The following RERG variants were observed in gnomAD, a reference collection of about 807,000 sequenced individuals.
The protein encoded by RERG is ras-related and estrogen-regulated growth inhibitor.
In RERG, 25 loss-of-function variants were observed where a neutral mutation model predicts 23.2. That is an observed-to-expected ratio of 1.08 (90% CI 0.79 to 1.50). RERG has a LOEUF of 1.50. Among genes scored for constraint, RERG ranks in the 40% most tolerant of loss-of-function variants. RERG has a pLI of 0.00. For missense variants in RERG, 253 were observed against 250.1 expected (o/e 1.01, Z -0.08); for synonymous variants, 81 against 89.1 (o/e 0.91, Z 0.51).
intron 2 of RERG, among the ~76,000 whole-genome samples, chr12:15,185,342 G>A (rs938153248): frequency 2.6e-5 from 4 of 152,030 alleles, no homozygotes; most frequent in Non-Finnish European, 5.9e-5. Flanking sequence ...TAATTGTAAT[G>A]TACACCCCAA....
chr12:15,165,341 C>CT (rs113939772), intron 2 of RERG, among the ~76,000 whole-genome samples: 4,312 of 149,624 alleles, frequency 0.029, 212 homozygotes, highest in African/African-American at 0.098. Context: ...TCTGCCAAGA[C>CT]TTTTTTTTTT....
At chr12:15,168,587 T>C (rs1002724636) in intron 2 of RERG, among the ~76,000 whole-genome samples, 3 of 152,198 alleles carry the variant, frequency 2.0e-5, no homozygotes, top group African/African-American at 7.2e-5. Flanking sequence ...CAGTGTATTC[T>C]CTGTGATGGA....
At chr12:15,146,013 G>A (rs932687000) in intron 2 of RERG, among the ~76,000 whole-genome samples, 2 of 152,060 alleles carry the variant, frequency 1.3e-5, no homozygotes, top group East Asian at 1.9e-4. Context: ...AGAAATGTGT[G>A]GTACAGGGAA....
chr12:15,109,759 A>G (rs1049774665), intron 4 of RERG, among the ~76,000 whole-genome samples: 5 of 152,134 alleles, frequency 3.3e-5, no homozygotes, highest in Non-Finnish European at 5.9e-5. Flanking sequence ...TTCTGCTTTT[A>G]ATTTTTTTCT....
rs1865460445 is a variant in RERG, at chr12:15,217,567, C to T, written c.-78G>A. On this transcript the variant is annotated 5_prime_UTR_variant, in exon 2 of 5. The change abolishes the stop of an existing upstream ORF in the 5' untranslated region. Transcript: ENST00000256953. ...TCTTTTTGGTTCCAGTCTTTGGATT[C>T]ACCATATCATTGTGAATCTTGGAAG... 1 of 1,009,482 alleles carries T rather than the reference C, an allele frequency of 9.9e-7. No individual in the cohort carries two copies. Among genetic ancestry groups the T allele is most frequent in the East Asian group, 2.4e-5 (1 of 41,972 alleles). The allele number at this position is 1,009,482 out of a possible 1,614,324, so 62.5% of individuals were successfully genotyped here.
chr12:15,187,666 C>A (rs149139545), intron 2 of RERG, among the ~76,000 whole-genome samples: 50 of 151,830 alleles, frequency 3.3e-4, no homozygotes, highest in Non-Finnish European at 4.9e-4. Context: ...TCAAGCAATT[C>A]TCCTGCCTCG....
rs757274261 is a variant in RERG, at chr12:15,180,738, G to A, written c.61+36691C>T. Among the ~76,000 whole-genome samples, 51 of 152,124 alleles carry A rather than the reference G, an allele frequency of 3.4e-4. 1 individual carries two copies. Among genetic ancestry groups the A allele is most frequent in the Non-Finnish European group, 6.8e-4 (46 of 68,010 alleles). ...ATGCACTACCAATAAAGAGATCTCT[G>A]AAGTGGATCTGTCAGCCCCACTCAC... On this transcript the variant is annotated intron_variant, in intron 2 of 4. Coordinates refer to ENST00000256953, the MANE Select transcript of RERG (RefSeq NM_032918.3).
intron 2 of RERG, among the ~76,000 whole-genome samples, chr12:15,133,152 T>C (rs1016828993): frequency 8.0e-6 from 1 of 124,290 alleles, no homozygotes; most frequent in East Asian, 2.3e-4. Context: ...TGGAGATATA[T>C]ATATATATAT....
intron 2 of RERG, among the ~76,000 whole-genome samples, chr12:15,158,907 T>C (rs937361031): frequency 6.6e-6 from 1 of 152,200 alleles, no homozygotes; most frequent in Non-Finnish European, 1.5e-5. Context: ...GTAAAGTTAT[T>C]ATTTTTCTAT....
chr12:15,114,926 T>C (rs1863692952), intron 3 of RERG, among the ~76,000 whole-genome samples: 1 of 152,154 alleles, frequency 6.6e-6, no homozygotes, highest in African/African-American at 2.4e-5. Flanking sequence ...TAAAGGTATG[T>C]TTTCCCCAGT....
intron 2 of RERG, among the ~76,000 whole-genome samples, chr12:15,158,635 A>G (rs1437096594): frequency 6.6e-6 from 1 of 152,074 alleles, no homozygotes; most frequent in Non-Finnish European, 1.5e-5. Context: ...GAGTATAAGG[A>G]ATTTTGAAGA....
chr12:15,155,187 AT>A (rs1864503876), intron 2 of RERG: 1 of 152,146 alleles, frequency 6.6e-6, no homozygotes, highest in Admixed American at 6.5e-5. Context: ...TTTCATCTTC[AT>A]TTTCCAGTGT....
chr12:15,216,761 T>C (rs886153545), intron 2 of RERG, among the ~76,000 whole-genome samples: 1 of 152,246 alleles, frequency 6.6e-6, no homozygotes, highest in African/African-American at 2.4e-5. Context: ...AGATAGCAGG[T>C]ACATTTTTCA....
chr12:15,129,347 A>G (rs1864003479), intron 2 of RERG, among the ~76,000 whole-genome samples: 1 of 152,042 alleles, frequency 6.6e-6, no homozygotes, highest in Non-Finnish European at 1.5e-5. Context: ...GGGGGCTCAG[A>G]GCAAAGATGT....
intron 2 of RERG, among the ~76,000 whole-genome samples, chr12:15,172,519 A>T (rs1232148556): frequency 6.6e-6 from 1 of 151,870 alleles, no homozygotes; most frequent in Non-Finnish European, 1.5e-5. Flanking sequence ...GTCATCTGGT[A>T]ACTCCATGTT....
chr12:15,122,287 A>C (rs575160308), intron 2 of RERG, among the ~76,000 whole-genome samples: 1 of 152,322 alleles, frequency 6.6e-6, no homozygotes, highest in East Asian at 1.9e-4. Flanking sequence ...TGAATGTAGC[A>C]GCCAAAGGAT....
At chr12:15,190,504 C>T (rs541708088) in intron 2 of RERG, among the ~76,000 whole-genome samples, 155 of 152,226 alleles carry the variant, frequency 1.0e-3, no homozygotes, top group Non-Finnish European at 1.4e-3. Context: ...GTTATGTACA[C>T]AACATAGTTC....
intron 2 of RERG, among the ~76,000 whole-genome samples, chr12:15,158,817 G>C (rs536142503): frequency 1.3e-5 from 2 of 152,076 alleles, no homozygotes; most frequent in African/African-American, 4.8e-5. Flanking sequence ...CCCATCATTG[G>C]TGACATGAAC....
intron 3 of RERG, among the ~76,000 whole-genome samples, chr12:15,119,443 C>A (rs1410030047): frequency 1.3e-5 from 2 of 151,944 alleles, no homozygotes; most frequent in Non-Finnish European, 2.9e-5. Flanking sequence ...TATATGGATA[C>A]AGCAATAAAA....
Sources: gnomAD v4.1 joint callset for allele counts (sites outside exome capture counted in the v4.1 genomes callset) on GRCh38, gnomAD v4.1.1 for gene constraint, MANE v1.5 for transcripts, NCBI Gene and HGNC (gene_info 2026-07-23, HGNC 2026-07-21) for gene names.